PGRMC2: variants seen among roughly 807,000 people sequenced by gnomAD.
PGRMC2 encodes progesterone receptor membrane component 2.
A neutral mutation model predicts 19.3 loss-of-function variants in PGRMC2; 9 were observed. The ratio of observed to expected loss-of-function variants is 0.47; its 90% CI spans 0.28 to 0.81. PGRMC2 has a LOEUF of 0.81. Ranked by LOEUF, PGRMC2 falls within the 40% of genes least tolerant of loss-of-function variation. The pLI is 0.11. For synonymous variants in PGRMC2, 157 were observed against 124.6 expected, an observed-to-expected ratio of 1.26 and a Z score of -1.73; for missense variants, 289 against 297.3, an observed-to-expected ratio of 0.97 and a Z score of 0.21.
At chr4:128,274,906 C>T (rs1760785213) in intron 1 of PGRMC2, among the ~76,000 whole-genome samples, 1 of 152,186 alleles carries the variant, frequency 6.6e-6, no homozygotes, top group Non-Finnish European at 1.5e-5. Context: ...AAGGGACAGA[C>T]TGCCTTCCCC....
At chr4:128,278,489 T>C (rs1006307613) in intron 1 of PGRMC2, among the ~76,000 whole-genome samples, 2 of 152,060 alleles carry the variant, frequency 1.3e-5, no homozygotes, top group South Asian at 2.1e-4. Context: ...GGAGAATCGC[T>C]TGAACCCGGG....
At position 128,287,390 on chromosome 4, in the gene PGRMC2, C is replaced by T. The variant is rs751047875; in HGVS notation, c.401G>A (p.Ser134Asn). Residue 134 changes from serine to asparagine, a missense_variant, in exon 1 of 3, where the codon AGC becomes AAC. Physicochemically the swap from Ser to Asn is conservative, Grantham distance 46 (BLOSUM62 1). Coordinates refer to ENST00000296425, the MANE Select transcript of PGRMC2 (RefSeq NM_006320.6). ...NGKVFDVTKG[S>N]KFYGPAGPYG... is the part of the protein sequence containing the mutation. ...CTCCTCACCCGGGCCGTAGAACTTG[C>T]TGCCTTTGGTCACGTCGAAGACTTT... The T allele has an allele frequency of 3.1e-6, 5 of 1,602,980 alleles. No individual in the cohort carries two copies. In the East Asian group the frequency reaches 1.1e-4, roughly 36 times the overall value.
chr4:128,271,081 T>C lies in PGRMC2; in HGVS notation c.*235A>G, dbSNP rs972027803. ...CTCTTTAAAAAAATCCCTGTCTCCT[T>C]CTTTTCAGGATGATGAAGCCCCACT... On this transcript the variant is annotated 3_prime_UTR_variant, in exon 3 of 3. Coordinates refer to ENST00000296425, the MANE Select transcript of PGRMC2 (RefSeq NM_006320.6). The C allele has an allele frequency of 3.3e-5, 11 of 335,996 alleles. No homozygotes were observed. The highest frequency in any genetic ancestry group is 4.8e-5 in the Non-Finnish European group (9 of 185,756). 20.8% of individuals were successfully genotyped at this position (335,996 alleles called of 1,614,324 possible).
intron 1 of PGRMC2, among the ~76,000 whole-genome samples, chr4:128,281,842 T>G (rs1760914492): frequency 1.3e-5 from 2 of 152,240 alleles, no homozygotes; most frequent in Non-Finnish European, 2.9e-5. Flanking sequence ...GCTAGATGGC[T>G]TTGCTCGGTA....
At chr4:128,284,677 A>T (rs1406608806) in intron 1 of PGRMC2, among the ~76,000 whole-genome samples, 1 of 152,238 alleles carries the variant, frequency 6.6e-6, no homozygotes, top group Non-Finnish European at 1.5e-5. Context: ...TAAAACCATT[A>T]TTGTGAAATT....
In PGRMC2 at chr4:128,278,457, G is replaced by A. The variant is rs535642996; in HGVS notation, c.419-5940C>T. 4.0e-5 allele frequency among the ~76,000 whole-genome samples: 6 copies of A among 151,896 alleles called. No individual in the cohort carries two copies. In the South Asian group the frequency reaches 8.4e-4, roughly 21 times the overall value. The stretch of plus-strand genomic sequence containing the variant: ...CACGGTGGTGGGCGCCTGTAATCCC[G>A]GTTACTCAAGAGGCTGAGGCAGGAG... On this transcript the variant is annotated intron_variant, in intron 1 of 2. Coordinates refer to ENST00000296425, the MANE Select transcript of PGRMC2 (RefSeq NM_006320.6).
intron 1 of PGRMC2, chr4:128,286,952 A>G (rs1011573748): frequency 7.3e-5 from 28 of 385,168 alleles, no homozygotes; most frequent in African/African-American, 5.0e-4. Flanking sequence ...TTAGGTCCCA[A>G]CTTCAGAAAT....
chr4:128,286,698 T>C, intron 1 of PGRMC2: 1 of 398,618 alleles, frequency 2.5e-6, no homozygotes, highest in South Asian at 1.3e-4. Flanking sequence ...CATTCTGGTC[T>C]GTTCTCATCC....
At chr4:128,276,057 G>A (rs1760807076) in intron 1 of PGRMC2, among the ~76,000 whole-genome samples, 2 of 152,124 alleles carry the variant, frequency 1.3e-5, no homozygotes, top group Admixed American at 1.3e-4. Context: ...TATAACATTA[G>A]GAACTAAAGT....
chr4:128,282,647 C>T (rs962486983), intron 1 of PGRMC2, among the ~76,000 whole-genome samples: 1 of 152,170 alleles, frequency 6.6e-6, no homozygotes, highest in Admixed American at 6.5e-5. Context: ...TGCATATGGG[C>T]ATTAGCCCAA....
At chr4:128,272,576 G>T in intron 1 of PGRMC2, 59 bp from the exon 2 acceptor site, 50 of 573,294 alleles carry the variant, frequency 8.7e-5, no homozygotes, top group Middle Eastern at 4.2e-4. Flanking sequence ...ATGTCTCAAA[G>T]GAAAAAGTAA....
intron 1 of PGRMC2, among the ~76,000 whole-genome samples, chr4:128,284,437 C>T (rs1760955320): frequency 6.6e-6 from 1 of 152,148 alleles, no homozygotes; most frequent in Non-Finnish European, 1.5e-5. Context: ...CTTTCTCCTC[C>T]TGTATTCAGT....
rs1182830855 is a variant in PGRMC2, at chr4:128,270,770, C to G, written c.*546G>C. 1 of 151,988 alleles carries G rather than the reference C, an allele frequency of 6.6e-6. No homozygotes were observed. Among genetic ancestry groups the G allele is most frequent in the African/African-American group, 2.4e-5 (1 of 41,376 alleles). The allele number at this position is 151,988 out of a possible 1,614,324, so 9.4% of individuals were successfully genotyped here. A position where few individuals can be genotyped will look rare whatever the true frequency, so the allele number is the denominator to read the frequency against. On this transcript the variant is annotated 3_prime_UTR_variant, in exon 3 of 3. Transcript: ENST00000296425. Reference sequence around the variant, plus strand: ...ATATTTTTCTTTTCCCTGACAAAGCCAAAAAGAAAAGTTTGGGAATTCACA... The same window carrying G: ...ATATTTTTCTTTTCCCTGACAAAGCGAAAAAGAAAAGTTTGGGAATTCACA...
intron 1 of PGRMC2, among the ~76,000 whole-genome samples, chr4:128,287,103 G>A (rs1472194478): frequency 6.6e-6 from 1 of 152,090 alleles, no homozygotes; most frequent in East Asian, 1.9e-4. Context: ...AGGAGAAATG[G>A]GATGGAAGAA....
intron 1 of PGRMC2, chr4:128,286,533 C>T (rs1332722069): frequency 2.3e-5 from 9 of 396,236 alleles, no homozygotes; most frequent in Non-Finnish European, 4.0e-5. Context: ...GTTTTTTCTC[C>T]TTAGTTCTGC....
chr4:128,280,196 C>T (rs1760886507), intron 1 of PGRMC2, among the ~76,000 whole-genome samples: 1 of 151,320 alleles, frequency 6.6e-6, no homozygotes, highest in African/African-American at 2.4e-5. Flanking sequence ...GATTAAAGAA[C>T]TAAAGTAAAT....
At chr4:128,276,564 C>A (rs1234909520) in intron 1 of PGRMC2, among the ~76,000 whole-genome samples, 1 of 152,136 alleles carries the variant, frequency 6.6e-6, no homozygotes, top group Non-Finnish European at 1.5e-5. Context: ...CTCAGGTGAT[C>A]CGCCTACCTC....
intron 1 of PGRMC2, among the ~76,000 whole-genome samples, chr4:128,284,316 C>T (rs1042747105): frequency 1.3e-5 from 2 of 152,154 alleles, no homozygotes; most frequent in African/African-American, 4.8e-5. Context: ...AATACCTAGA[C>T]CTCAGACTCC....
chr4:128,274,252 C>T (rs759649463), intron 1 of PGRMC2, among the ~76,000 whole-genome samples: 14 of 152,096 alleles, frequency 9.2e-5, no homozygotes, highest in African/African-American at 1.4e-4. Context: ...AGGCCAGGTG[C>T]GGTGGCTCAT....
Sources: gnomAD v4.1 joint callset for allele counts (sites outside exome capture counted in the v4.1 genomes callset) on GRCh38, gnomAD v4.1.1 for gene constraint, MANE v1.5 for transcripts, NCBI Gene and HGNC (gene_info 2026-07-23, HGNC 2026-07-21) for gene names.